SULT2A1: variants seen among roughly 807,000 people sequenced by gnomAD.
SULT2A1 encodes the protein sulfotransferase 2A1.
SULT2A1 carries 43 observed loss-of-function variants against 33.9 expected under a neutral mutation model. That is an observed-to-expected ratio of 1.27 (90% CI 1.00 to 1.64). The LOEUF (loss-of-function observed/expected upper bound fraction) is 1.64. SULT2A1 is among the 40% of genes most tolerant of loss of function. The pLI, the probability that SULT2A1 is intolerant of heterozygous loss-of-function variation, is 0.00. For synonymous variants in SULT2A1, 125 were observed against 113.6 expected, an observed-to-expected ratio of 1.10 and a Z score of -0.64; for missense variants, 300 against 335.1, an observed-to-expected ratio of 0.90 and a Z score of 0.82.
At chr19:47,874,398 G>C (rs549356959) in intron 5 of SULT2A1, among the ~76,000 whole-genome samples, 103 of 152,240 alleles carry the variant, frequency 6.8e-4, no homozygotes, top group Non-Finnish European at 1.2e-3. Context: ...AATTAGCTGG[G>C]TGTGGTGGCG....
At chr19:47,879,259 C>T (rs11083905) in intron 3 of SULT2A1, 129 bp from the exon 4 acceptor site, 75,511 of 650,702 alleles carry the variant, frequency 0.12, 4,607 homozygotes, top group East Asian at 0.21. Context: ...GAAACTTGGT[C>T]GAAGGGGACC....
chr19:47,879,007 T>G (rs200404155), intron 4 of SULT2A1, 29 bp downstream of exon 4: 666 of 1,352,600 alleles, frequency 4.9e-4, no homozygotes, highest in Non-Finnish European at 6.4e-4. Flanking sequence ...TGAGAGGGTG[T>G]GCACTGACTC....
At chr19:47,879,672 C>A (rs955919936) in intron 3 of SULT2A1, among the ~76,000 whole-genome samples, 2 of 151,356 alleles carry the variant, frequency 1.3e-5, no homozygotes, top group Non-Finnish European at 2.9e-5. Flanking sequence ...AGCAAACTAT[C>A]GCAAGGACAG....
chr19:47,883,549 A>C, intron 2 of SULT2A1, 28 bp downstream of exon 2: 7 of 1,607,344 alleles, frequency 4.4e-6, no homozygotes, highest in Non-Finnish European at 6.0e-6. Flanking sequence ...GGCACTGATC[A>C]AACACGTCTT....
Position 47,884,458 on chromosome 19 carries a change from G to A in SULT2A1, c.137-673C>T, listed in dbSNP as rs373061703. On this transcript the variant is annotated intron_variant, in intron 1 of 5. Transcript: ENST00000222002. ...CTCCCCAAGTGCTGGGATTACAGGC[G>A]TGAGCCACTGCGCCTGGCTTTTTTT... 3.0e-4 allele frequency among the ~76,000 whole-genome samples: 45 copies of A among 148,092 alleles called. No individual in the cohort carries two copies. In the South Asian group the frequency reaches 9.5e-3, roughly 31 times the overall value.
At position 47,871,282 on chromosome 19, in the gene SULT2A1, G is replaced by C; in HGVS notation, c.*173C>G. On this transcript the variant is annotated 3_prime_UTR_variant, in exon 6 of 6. Coordinates refer to ENST00000222002, the MANE Select transcript of SULT2A1 (RefSeq NM_003167.4). ...TGGGATTACAGGCATGAACCACCGT[G>C]CCTGGCCAACCCTGGTAACTTTTAA... 3.3e-6 allele frequency: 2 copies of C among 597,636 alleles called. No homozygotes were observed. Among genetic ancestry groups the C allele is most frequent in the South Asian group, 4.4e-5 (2 of 45,590 alleles). 37.0% of individuals were successfully genotyped at this position (597,636 alleles called of 1,614,324 possible). A position where few individuals can be genotyped will look rare whatever the true frequency, so the allele number is the denominator to read the frequency against.
At chr19:47,879,169 T>G in intron 3 of SULT2A1, 39 bp from the exon 4 acceptor site, 2 of 1,236,328 alleles carry the variant, frequency 1.6e-6, no homozygotes, top group Non-Finnish European at 2.4e-6. Context: ...GTTACAAATT[T>G]TATGAGAGCA....
At chr19:47,880,748 G>A (rs140555945) in intron 3 of SULT2A1, among the ~76,000 whole-genome samples, 12 of 151,880 alleles carry the variant, frequency 7.9e-5, no homozygotes, top group African/African-American at 1.9e-4. Flanking sequence ...CACCACACTC[G>A]GCTAATTTTT....
intron 4 of SULT2A1, among the ~76,000 whole-genome samples, chr19:47,878,267 C>T (rs1258083671): frequency 6.6e-6 from 1 of 152,120 alleles, no homozygotes; most frequent in African/African-American, 2.4e-5. Flanking sequence ...GCCTTGAATT[C>T]ATGGGCTCAA....
chr19:47,884,720 G>A (rs970382376), intron 1 of SULT2A1, among the ~76,000 whole-genome samples: 1 of 149,294 alleles, frequency 6.7e-6, no homozygotes, highest in African/African-American at 2.5e-5. Context: ...GGTCTTGAAC[G>A]CTTGACCTCA....
At chr19:47,881,999 G>T in intron 3 of SULT2A1, 85 bp downstream of exon 3, 1 of 1,558,204 alleles carries the variant, frequency 6.4e-7, no homozygotes, top group South Asian at 1.2e-5. Context: ...CCCATGGGTT[G>T]GTGAGATGTA....
intron 4 of SULT2A1, among the ~76,000 whole-genome samples, chr19:47,878,032 CACTTCT>C (rs1354741140): frequency 6.6e-6 from 1 of 152,206 alleles, no homozygotes; most frequent in Non-Finnish European, 1.5e-5. Context: ...GGAACTAAAT[CACTTCT>C]ACCCAGTCCC....
At chr19:47,874,088 A>G (rs545174189) in intron 5 of SULT2A1, among the ~76,000 whole-genome samples, 1 of 152,200 alleles carries the variant, frequency 6.6e-6, no homozygotes, top group African/African-American at 2.4e-5. Context: ...TGCTCATGTC[A>G]CATTCTGAGG....
At position 47,882,167 on chromosome 19, in the gene SULT2A1, C is replaced by A. The variant is rs747295631; in HGVS notation, c.389G>T (p.Gly130Val). 4.3e-6 allele frequency: 7 copies of A among 1,613,758 alleles called. No homozygotes were observed. Among genetic ancestry groups the A allele is most frequent in the Admixed American group, 1.7e-5 (1 of 59,922 alleles). Residue 130 changes from glycine to valine, a missense_variant, in exon 3 of 6, where the codon GGT becomes GTT. Coordinates refer to ENST00000222002, the MANE Select transcript of SULT2A1 (RefSeq NM_003167.4). Reference sequence around the variant, plus strand: ...CTTCATGTTTTTCCAGAAAAAATAACCAGACACCAAAACATCTCTGGGATT... The same window carrying A: ...CTTCATGTTTTTCCAGAAAAAATAAACAGACACCAAAACATCTCTGGGATT... ...MRNPRDVLVS[G>V]YFFWKNMKFI... is the part of the protein sequence containing the mutation.
At chr19:47,883,826 C>T (rs1227557944) in intron 1 of SULT2A1, 41 bp from the exon 2 acceptor site, 1 of 1,583,474 alleles carries the variant, frequency 6.3e-7, no homozygotes, top group Non-Finnish European at 8.6e-7. Flanking sequence ...TGTACCATCT[C>T]AGCCGGACAT....
chr19:47,876,768 T>TAA (rs34642376), intron 4 of SULT2A1, among the ~76,000 whole-genome samples: 90 of 85,560 alleles, frequency 1.1e-3, no homozygotes, highest in African/African-American at 2.5e-3. Context: ...AGACTCTGTC[T>TAA]AAAAAAAAAA....
Position 47,871,283 on chromosome 19 carries a change from C to A in SULT2A1, c.*172G>T, listed in dbSNP as rs530354583. On this transcript the variant is annotated 3_prime_UTR_variant, in exon 6 of 6. Transcript: ENST00000222002. ...GGGATTACAGGCATGAACCACCGTG[C>A]CTGGCCAACCCTGGTAACTTTTAAC... The A allele has an allele frequency of 3.3e-6, 2 of 600,410 alleles. No individual in the cohort carries two copies. The highest frequency in any genetic ancestry group is 4.4e-5 in the South Asian group (2 of 45,858). The allele number at this position is 600,410 out of a possible 1,614,324, so 37.2% of individuals were successfully genotyped here. A position where few individuals can be genotyped will look rare whatever the true frequency, so the allele number is the denominator to read the frequency against.
intron 5 of SULT2A1, among the ~76,000 whole-genome samples, chr19:47,873,380 A>G (rs1356894067): frequency 6.6e-6 from 1 of 151,886 alleles, no homozygotes; most frequent in Non-Finnish European, 1.5e-5. Flanking sequence ...CGTGTTAGCC[A>G]GGCTGGTCTT....
rs536178748 is a variant in SULT2A1 at position 47,881,822 on chromosome 19, G to A, written c.472+262C>T. Among the ~76,000 whole-genome samples the A allele has an allele frequency of 2.9e-4, 44 of 152,190 alleles. No individual in the cohort carries two copies. In the South Asian group the frequency reaches 8.9e-3, roughly 31 times the overall value. The stretch of plus-strand genomic sequence containing the variant: ...AGACATCTAGCATTAGGAGACTAGA[G>A]GAGAATATAAGTTTCCTGTGCTAGT... On this transcript the variant is annotated intron_variant, in intron 3 of 5. Transcript: ENST00000222002.
Sources: allele counts gnomAD v4.1 joint callset (sites outside exome capture counted in the v4.1 genomes callset), GRCh38; gene constraint gnomAD v4.1.1; transcripts MANE v1.5; gene names NCBI Gene and HGNC (gene_info 2026-07-23, HGNC 2026-07-21).